The following COPS3 variants were observed in gnomAD, a reference collection of about 807,000 sequenced individuals.
The protein encoded by COPS3 is COP9 signalosome subunit 3.
Under a neutral mutation model 58.2 loss-of-function variants are expected in COPS3, and 10 were observed. That is an observed-to-expected ratio of 0.17 (90% CI 0.11 to 0.29). The LOEUF (loss-of-function observed/expected upper bound fraction) is 0.29, where lower values mean the gene tolerates loss of function less well. COPS3 is among the 10% of genes least tolerant of loss of function. COPS3 has a pLI of 1.00. For synonymous variants in COPS3, 187 were observed against 181.7 expected, an observed-to-expected ratio of 1.03 and a Z score of -0.24; for missense variants, 333 against 510.1, an observed-to-expected ratio of 0.65 and a Z score of 3.34.
At chr17:17,252,792 G>A (rs980476989) in intron 9 of COPS3, among the ~76,000 whole-genome samples, 2 of 152,226 alleles carry the variant, frequency 1.3e-5, no homozygotes, top group Non-Finnish European at 2.9e-5. Context: ...CTTATTCTGT[G>A]TAACCCCTGT....
At chr17:17,277,255 G>A (rs372819363) in intron 1 of COPS3, among the ~76,000 whole-genome samples, 3 of 152,236 alleles carry the variant, frequency 2.0e-5, no homozygotes, top group South Asian at 2.1e-4. Context: ...TCTCTGCCTC[G>A]CATGGGACTG....
chr17:17,263,266 C>T (rs893118516), intron 6 of COPS3, among the ~76,000 whole-genome samples: 31 of 143,240 alleles, frequency 2.2e-4, no homozygotes, highest in African/African-American at 7.4e-4. Flanking sequence ...CCAGCCTGGG[C>T]GACAGAGCAA....
At chr17:17,267,153 C>G (rs1011128241) in intron 5 of COPS3, among the ~76,000 whole-genome samples, 3 of 150,484 alleles carry the variant, frequency 2.0e-5, no homozygotes, top group Admixed American at 1.3e-4. Flanking sequence ...CTGGCTAACA[C>G]AGTAAAACCC....
intron 8 of COPS3, among the ~76,000 whole-genome samples, chr17:17,259,122 T>A (rs2048039335): frequency 6.6e-6 from 1 of 152,146 alleles, no homozygotes; most frequent in African/African-American, 2.4e-5. Flanking sequence ...ATCAGCCTTT[T>A]CCATTGCTGG....
intron 8 of COPS3, 22 bp from the exon 9 acceptor site, chr17:17,254,967 A>G: frequency 6.6e-7 from 1 of 1,526,566 alleles, no homozygotes; most frequent in South Asian, 1.1e-5. Context: ...AAGCAGAATT[A>G]GTCACAGGTA....
intron 8 of COPS3, among the ~76,000 whole-genome samples, chr17:17,259,857 G>A (rs1321905100): frequency 6.6e-6 from 1 of 151,562 alleles, no homozygotes; most frequent in East Asian, 1.9e-4. Context: ...TCACGCCACT[G>A]CACACCAGCC....
intron 1 of COPS3, chr17:17,280,681 G>A: frequency 1.5e-6 from 2 of 1,305,696 alleles, no homozygotes; most frequent in Non-Finnish European, 2.0e-6. Flanking sequence ...ATAGAGCCAA[G>A]ACACCCAGAA....
chr17:17,267,654 A>G (rs963077376), intron 5 of COPS3, among the ~76,000 whole-genome samples: 2 of 151,224 alleles, frequency 1.3e-5, no homozygotes, highest in Non-Finnish European at 3.0e-5. Context: ...AAAAAAAAAA[A>G]GTTACAACTA....
chr17:17,248,434 C>A (rs1241770036), intron 10 of COPS3, among the ~76,000 whole-genome samples: 1 of 152,190 alleles, frequency 6.6e-6, no homozygotes, highest in South Asian at 2.1e-4. Flanking sequence ...CCTGCCTCAG[C>A]CTCCAGAGTA....
At chr17:17,268,851 A>T (rs76511983) in intron 4 of COPS3, among the ~76,000 whole-genome samples, 14,419 of 148,814 alleles carry the variant, frequency 0.097, 895 homozygotes, top group East Asian at 0.22. Flanking sequence ...CAACAACAAA[A>T]ATATATATAT....
chr17:17,267,635 CAA>C (rs553294077), intron 5 of COPS3, among the ~76,000 whole-genome samples: 14 of 107,146 alleles, frequency 1.3e-4, no homozygotes, highest in South Asian at 5.8e-4. Context: ...GAGACTGTCT[CAA>C]AAAAAAAAAA....
rs780543423 is a variant in COPS3 at position 17,270,936 on chromosome 17, G to A, written c.258C>T (p.Ser86=). 9.3e-6 allele frequency: 15 copies of A among 1,613,974 alleles called. No homozygotes were observed. The highest frequency in any genetic ancestry group is 1.3e-5 in the Non-Finnish European group (15 of 1,179,980). ...ATCGAATGTGCTCCCCATTACAAGT[G>A]CTGATGAAGAGCTGAACCTGTGAGA... is the stretch of plus-strand genomic sequence containing the variant. ...TLFSQVQLFI[S]TCNGEHIRYA... The change falls in exon 3 of 12, where the codon AGC becomes AGT. Residue 86 remains serine (S), a synonymous_variant. Coordinates refer to ENST00000268717, the MANE Select transcript of COPS3 (RefSeq NM_003653.4).
Position 17,267,898 on chromosome 17 carries a change from G to A in COPS3, c.428C>T (p.Ala143Val). 1 of 1,613,872 alleles carries A rather than the reference G, an allele frequency of 6.2e-7. No individual in the cohort carries two copies. Among genetic ancestry groups the A allele is most frequent in the Non-Finnish European group, 8.5e-7 (1 of 1,179,856 alleles). ...MNTNQLTSIH[A>V]DLCQLCLLAK... ...TTGGTTGCTTACCTGGCAGAGATCA[G>A]CATGTATTGAGGTCAGCTGGTTTGT... Residue 143 changes from alanine to valine, a missense_variant, in exon 5 of 12, where the codon GCT (alanine) becomes GTT (valine). Transcript: ENST00000268717.
chr17:17,275,949 A>G (rs2048452196), intron 2 of COPS3, 86 bp downstream of exon 2: 3 of 1,296,310 alleles, frequency 2.3e-6, no homozygotes, highest in Non-Finnish European at 3.1e-6. Context: ...CTCAAAAAAT[A>G]TAAATAAATA....
At position 17,270,789 on chromosome 17, in the gene COPS3, T is replaced by A; in HGVS notation, c.317A>T (p.Gln106Leu). 1 of 1,599,388 alleles carries A rather than the reference T, an allele frequency of 6.3e-7. No individual in the cohort carries two copies. Among genetic ancestry groups the A allele is most frequent in the Non-Finnish European group, 8.5e-7 (1 of 1,171,486 alleles). ...TCTTTCCACAAGTGCATTTGTTAGCTGATGGCAAAGCCCAGCAACTAGATA... is the reference window on the plus strand; with the variant it reads ...TCTTTCCACAAGTGCATTTGTTAGCAGATGGCAAAGCCCAGCAACTAGATA... ...ATDTFAGLCH[Q>L]LTNALVERKQ... is the part of the protein sequence containing the mutation. Residue 106 changes from glutamine (Q) to leucine (L), a missense_variant, in exon 4 of 12, where the codon CAG (glutamine) becomes CTG (leucine). Coordinates refer to ENST00000268717, the MANE Select transcript of COPS3 (RefSeq NM_003653.4).
In COPS3 at chr17:17,266,333, A is replaced by G. The variant is rs527304942; in HGVS notation, c.442-1352T>C. On this transcript the variant is annotated intron_variant, in intron 5 of 11. Transcript: ENST00000268717. ...ATTTGTGTAAAAAATGAGAAAATAT[A>G]TATTCGTATTTGCTTTTATGTCCAT... 2.6e-5 allele frequency among the ~76,000 whole-genome samples: 4 copies of G among 152,358 alleles called. 1 individual carries two copies. The highest frequency in any genetic ancestry group is 1.3e-4 in the Admixed American group (2 of 15,294).
rs898424641 is a variant in COPS3 at position 17,261,912 on chromosome 17, C to T, written c.762+54G>A. ...TTACAGAACTGTATCATTGCAATTT[C>T]TTTATATACTCAACATGCTCACGTA... On this transcript the variant is annotated intron_variant, in intron 7 of 11. Coordinates refer to ENST00000268717, the MANE Select transcript of COPS3 (RefSeq NM_003653.4). The T allele has an allele frequency of 3.0e-5, 44 of 1,479,070 alleles. 1 individual carries two copies. The highest frequency in any genetic ancestry group is 4.6e-6 in the Non-Finnish European group (5 of 1,090,136). The allele number at this position is 1,479,070 out of a possible 1,614,324, so 91.6% of individuals were successfully genotyped here. A position where few individuals can be genotyped will look rare whatever the true frequency, so the allele number is the denominator to read the frequency against.
Position 17,270,984 on chromosome 17 carries a change from A to T in COPS3, c.210T>A (p.Ser70Arg). 3 of 1,614,006 alleles carry T rather than the reference A, an allele frequency of 1.9e-6. No individual in the cohort carries two copies. The highest frequency in any genetic ancestry group is 2.5e-6 in the Non-Finnish European group (3 of 1,179,904). ...AGAATAGCGTTTCGAAGTCAGGAAC[A>T]CTGGGCATAGAAAACTTCACAAACC... is the stretch of plus-strand genomic sequence containing the variant. ...AVLFVKFSMP[S>R]VPDFETLFSQ... Residue 70 changes from serine to arginine, a missense_variant, in exon 3 of 12, where the codon AGT becomes AGA. By Grantham distance (110) the Ser-to-Arg change is moderately radical (BLOSUM62 -1). Transcript: ENST00000268717.
chr17:17,267,342 A>G (rs2048248011), intron 5 of COPS3, among the ~76,000 whole-genome samples: 1 of 149,058 alleles, frequency 6.7e-6, no homozygotes, highest in African/African-American at 2.5e-5. Flanking sequence ...AAAAAAAAAA[A>G]AAAAAGTTAC....
Sources: gnomAD v4.1 joint callset for allele counts (sites outside exome capture counted in the v4.1 genomes callset) on GRCh38, gnomAD v4.1.1 for gene constraint, MANE v1.5 for transcripts, NCBI Gene and HGNC (gene_info 2026-07-23, HGNC 2026-07-21) for gene names.